Variants in ST6GALNAC3 observed in about 807,000 individuals in gnomAD.
ST6GALNAC3 encodes ST6 N-acetylgalactosaminide alpha-2,6-sialyltransferase 3, also known as alpha-N-acetylgalactosaminide alpha-2,6-sialyltransferase 3.
Under a neutral mutation model 32.7 loss-of-function variants are expected in ST6GALNAC3, and 25 were observed. The ratio of observed to expected loss-of-function variants is 0.76; its 90% CI spans 0.56 to 1.07. The LOEUF (loss-of-function observed/expected upper bound fraction) is 1.07. ST6GALNAC3 is among the 50% of genes least tolerant of loss of function. The probability of loss-of-function intolerance (pLI) is 0.00; values close to 1 mark genes in which losing one functional copy is unlikely to be tolerated. For missense variants in ST6GALNAC3, 355 were observed against 382.4 expected, an observed-to-expected ratio of 0.93 and a Z score of 0.60; for synonymous variants, 129 against 133.1, an observed-to-expected ratio of 0.97 and a Z score of 0.21.
chr1:76,585,142 T>C (rs1226485156), intron 3 of ST6GALNAC3, among the ~76,000 whole-genome samples: 3 of 152,146 alleles, frequency 2.0e-5, no homozygotes, highest in Non-Finnish European at 1.5e-5. Flanking sequence ...CCCAGCAATT[T>C]TGGAGGCCGA....
At position 76,509,778 on chromosome 1, in the gene ST6GALNAC3, C is replaced by T. The variant is rs569518392; in HGVS notation, c.623+97361C>T. On this transcript the variant is annotated intron_variant, in intron 3 of 4. Coordinates refer to ENST00000328299, the MANE Select transcript of ST6GALNAC3 (RefSeq NM_152996.4). This position sits in a 1 kb window ranked among gnomAD's most constrained non-coding sequence, Gnocchi z 5.5. The stretch of plus-strand genomic sequence containing the variant: ...GGCCCCACTCCACCAATTTCTGCTT[C>T]CATTCTCACATATCTTTTCCTCACA... Among the ~76,000 whole-genome samples the T allele has an allele frequency of 6.6e-6, 1 of 152,278 alleles. No individual in the cohort carries two copies. Among genetic ancestry groups the T allele is most frequent in the African/African-American group, 2.4e-5 (1 of 41,558 alleles).
chr1:76,360,592 TACA>T (rs1158245719), intron 2 of ST6GALNAC3, among the ~76,000 whole-genome samples: 1 of 152,206 alleles, frequency 6.6e-6, no homozygotes, highest in Non-Finnish European at 1.5e-5. Context: ...GTAATAAAAA[TACA>T]ACGTGTTGAG....
intron 1 of ST6GALNAC3, among the ~76,000 whole-genome samples, chr1:76,227,087 C>T (rs866707910): frequency 1.3e-5 from 2 of 152,132 alleles, no homozygotes; most frequent in African/African-American, 4.8e-5. Flanking sequence ...CAAAACCAGA[C>T]GCAACTGTAA....
chr1:76,447,124 A>G (rs1657034208), intron 3 of ST6GALNAC3, among the ~76,000 whole-genome samples: 1 of 152,212 alleles, frequency 6.6e-6, no homozygotes, highest in Non-Finnish European at 1.5e-5. Flanking sequence ...GCTGATAAGT[A>G]TATGGACAAT....
chr1:76,572,933 T>C (rs1646733632), intron 3 of ST6GALNAC3, among the ~76,000 whole-genome samples: 1 of 152,070 alleles, frequency 6.6e-6, no homozygotes, highest in African/African-American at 2.4e-5. Flanking sequence ...AGGACGAAAA[T>C]GAAATTGCTT....
chr1:76,215,289 T>G (rs964440667), intron 1 of ST6GALNAC3, among the ~76,000 whole-genome samples: 1 of 152,218 alleles, frequency 6.6e-6, no homozygotes, highest in African/African-American at 2.4e-5. Flanking sequence ...TTTAACCTCA[T>G]TGTGCAACAG....
intron 1 of ST6GALNAC3, among the ~76,000 whole-genome samples, chr1:76,185,980 A>G (rs1257438331): frequency 2.0e-5 from 3 of 152,202 alleles, no homozygotes; most frequent in Admixed American, 1.3e-4. Context: ...TGTAGGTTAT[A>G]TGCAAATACT....
At chr1:76,178,380 G>A (rs1652973959) in intron 1 of ST6GALNAC3, among the ~76,000 whole-genome samples, 1 of 152,212 alleles carries the variant, frequency 6.6e-6, no homozygotes, top group South Asian at 2.1e-4. Context: ...GAAAAACTCA[G>A]TGGATGATGG....
In ST6GALNAC3 at chr1:76,395,037, C is replaced by T. The variant is rs111467039; in HGVS notation, c.214-16971C>T. 1.5e-4 allele frequency among the ~76,000 whole-genome samples: 23 copies of T among 152,274 alleles called. 1 individual carries two copies. Among genetic ancestry groups the T allele is most frequent in the African/African-American group, 5.3e-4 (22 of 41,564 alleles). ...AATTGGTCTGGTTTGACTTAAAGTCCTCTTTTTTCATCTTTAAAGTGTGAG... is the reference window on the plus strand; with the variant it reads ...AATTGGTCTGGTTTGACTTAAAGTCTTCTTTTTTCATCTTTAAAGTGTGAG... On this transcript the variant is annotated intron_variant, in intron 2 of 4. Transcript: ENST00000328299.
chr1:76,613,437 T>C (rs910733590), intron 3 of ST6GALNAC3, among the ~76,000 whole-genome samples: 2 of 152,232 alleles, frequency 1.3e-5, no homozygotes, highest in East Asian at 3.9e-4. Flanking sequence ...GTCAGAATTC[T>C]AACTGAGCTA....
intron 3 of ST6GALNAC3, among the ~76,000 whole-genome samples, chr1:76,570,497 A>T (rs1313488469): frequency 1.3e-5 from 2 of 152,010 alleles, no homozygotes; most frequent in African/African-American, 4.8e-5. Flanking sequence ...ATTTACTATG[A>T]TAAAACTCTT....
intron 3 of ST6GALNAC3, among the ~76,000 whole-genome samples, chr1:76,543,424 AG>A (rs1664109572): frequency 6.6e-6 from 1 of 152,250 alleles, no homozygotes; most frequent in African/African-American, 2.4e-5. Context: ...GGGATACTGT[AG>A]AGCCAGTTGG....
At chr1:76,371,283 GCAT>G (rs1227426150) in intron 2 of ST6GALNAC3, among the ~76,000 whole-genome samples, 1 of 152,082 alleles carries the variant, frequency 6.6e-6, no homozygotes, top group Non-Finnish European at 1.5e-5. Flanking sequence ...TATTTTAATG[GCAT>G]CATTATATAG....
chr1:76,499,140 T>C (rs1035214223), intron 3 of ST6GALNAC3, among the ~76,000 whole-genome samples: 3 of 152,162 alleles, frequency 2.0e-5, no homozygotes, highest in African/African-American at 7.2e-5. Flanking sequence ...CTTAAACTTA[T>C]ATAGTTAAAG....
intron 1 of ST6GALNAC3, among the ~76,000 whole-genome samples, chr1:76,248,920 A>G (rs1391476989): frequency 6.6e-6 from 1 of 152,144 alleles, no homozygotes; most frequent in African/African-American, 2.4e-5. Context: ...TCTAGCACTA[A>G]TCAATTTCTT....
downstream of ST6GALNAC3, among the ~76,000 whole-genome samples, chr1:76,635,112 T>C (rs1336471924): frequency 1.3e-5 from 2 of 152,192 alleles, no homozygotes; most frequent in African/African-American, 4.8e-5. Context: ...TTTTTTGCTG[T>C]GTCAGACATA....
At chr1:76,489,735 T>A (rs948691193) in intron 3 of ST6GALNAC3, among the ~76,000 whole-genome samples, 3 of 152,182 alleles carry the variant, frequency 2.0e-5, no homozygotes, top group Non-Finnish European at 4.4e-5. Context: ...CATGCTGACC[T>A]CTTTTCTCAC....
intron 1 of ST6GALNAC3, among the ~76,000 whole-genome samples, chr1:76,232,348 G>A (rs1220996801): frequency 6.6e-6 from 1 of 152,174 alleles, no homozygotes; most frequent in Non-Finnish European, 1.5e-5. Context: ...GTGTTGGAGG[G>A]AATAGTACTG....
intron 3 of ST6GALNAC3, among the ~76,000 whole-genome samples, chr1:76,508,437 TA>T (rs1661618562): frequency 6.6e-6 from 1 of 152,116 alleles, no homozygotes. Flanking sequence ...CTACTATAGT[TA>T]TATAATGACA....
Sources: gnomAD v4.1 joint callset for allele counts (sites outside exome capture counted in the v4.1 genomes callset) on GRCh38, gnomAD v4.1.1 for gene constraint, Gnocchi (gnomAD v3.1) non-coding constraint, MANE v1.5 for transcripts, NCBI Gene and HGNC (gene_info 2026-07-23, HGNC 2026-07-21) for gene names.